The following PPP6R2 variants were observed in gnomAD, a reference collection of about 807,000 sequenced individuals.
PPP6R2 encodes the protein serine/threonine-protein phosphatase 6 regulatory subunit 2.
PPP6R2 carries 62 observed loss-of-function variants against 100.2 expected under a neutral mutation model. The observed-to-expected ratio is 0.62, with a 90% CI of 0.50 to 0.76. The LOEUF (loss-of-function observed/expected upper bound fraction) is 0.76, where lower values mean the gene tolerates loss of function less well. Among genes scored for constraint, PPP6R2 ranks in the 30% least tolerant of loss-of-function variants. The pLI, the probability that PPP6R2 is intolerant of heterozygous loss-of-function variation, is 0.00. For missense variants in PPP6R2, 1,142 were observed against 1,276.3 expected (o/e 0.89, Z 1.60); for synonymous variants, 525 against 514.7 (o/e 1.02, Z -0.27).
At position 50,444,879 on chromosome 22, in the gene PPP6R2, C is replaced by G. The variant is rs1490588539; in HGVS notation, c.*632C>G. On this transcript the variant is annotated 3_prime_UTR_variant, in exon 24 of 24. Coordinates refer to ENST00000612753, the MANE Select transcript of PPP6R2 (RefSeq NM_001242898.2). ...TGTCCCTGTGCCCAGCACAGGGTGC[C>G]TGGCAGGGGGAGACCACAGGTATGC... 6.5e-6 allele frequency: 1 copy of G among 153,076 alleles called. No homozygotes were observed. The highest frequency in any genetic ancestry group is 2.4e-5 in the African/African-American group (1 of 41,422). The allele number at this position is 153,076 out of a possible 1,614,324, so 9.5% of individuals were successfully genotyped here. A position where few individuals can be genotyped will look rare whatever the true frequency, so the allele number is the denominator to read the frequency against.
upstream of PPP6R2, among the ~76,000 whole-genome samples, chr22:50,339,853 G>A (rs1279988773): frequency 8.3e-6 from 1 of 120,176 alleles, no homozygotes; most frequent in South Asian, 3.1e-4. Context: ...TGGTGTGTGT[G>A]TGGTATGTAG....
In PPP6R2 at chr22:50,432,347, G is replaced by A. The variant is rs1038128882; in HGVS notation, c.1400+18G>A. ...CACACGCAGTAAGAGCCGCTCGGAC[G>A]TGGAGGGACCCAGCCTGGCCAGTCA... On this transcript the variant is annotated intron_variant, in intron 12 of 23. Transcript: ENST00000612753. 24 of 1,546,708 alleles carry A rather than the reference G, an allele frequency of 1.6e-5. No homozygotes were observed. The highest frequency in any genetic ancestry group is 9.6e-5 in the African/African-American group (7 of 72,940).
intron 10 of PPP6R2, among the ~76,000 whole-genome samples, chr22:50,428,871 T>C (rs1354948578): frequency 1.3e-5 from 2 of 152,170 alleles, no homozygotes; most frequent in Non-Finnish European, 1.5e-5. Flanking sequence ...ATAGCAGTGG[T>C]GAGAGTGGGC....
upstream of PPP6R2, among the ~76,000 whole-genome samples, chr22:50,338,705 AGGGTGTGTGGT>A (rs1205543823): frequency 8.0e-5 from 5 of 62,192 alleles, no homozygotes; most frequent in African/African-American, 3.2e-4. Context: ...TGGTGTGTGT[AGGGTGTGTGGT>A]GTGTGTGTGG....
chr22:50,400,345 C>T (rs1452544235), intron 3 of PPP6R2, among the ~76,000 whole-genome samples: 1 of 152,196 alleles, frequency 6.6e-6, no homozygotes, highest in African/African-American at 2.4e-5. Context: ...TCTGTTAAAA[C>T]AGCTTCCTGA....
chr22:50,385,561 G>T (rs2054048218), intron 2 of PPP6R2, among the ~76,000 whole-genome samples: 1 of 149,276 alleles, frequency 6.7e-6, no homozygotes, highest in African/African-American at 2.5e-5. Flanking sequence ...CATCCCCTAG[G>T]CTGGAGTGCA....
upstream of PPP6R2, among the ~76,000 whole-genome samples, chr22:50,340,525 G>T (rs541513258): frequency 3.5e-4 from 47 of 132,840 alleles, no homozygotes; most frequent in East Asian, 5.7e-3. Context: ...GGTGTGTGTG[G>T]GGGGTATGTG....
At position 50,370,538 on chromosome 22, in the gene PPP6R2, T is replaced by C. The variant is rs543917240; in HGVS notation, c.-147-1482T>C. On this transcript the variant is annotated intron_variant, in intron 1 of 23. Transcript: ENST00000612753. ...GCCTGACCTCGTGATCCACCCGCCT[T>C]GGCCTCCCAAAGTGCTGGGATTACA... is the stretch of plus-strand genomic sequence containing the variant. Among the ~76,000 whole-genome samples the C allele has an allele frequency of 2.8e-3, 429 of 151,084 alleles. 3 individuals are homozygous for C. The highest frequency in any genetic ancestry group is 0.015 in the Admixed American group (224 of 15,192).
intron 21 of PPP6R2, 96 bp from the exon 22 acceptor site, chr22:50,440,726 T>G: frequency 1.4e-6 from 2 of 1,388,626 alleles, no homozygotes; most frequent in Non-Finnish European, 2.0e-6. Flanking sequence ...AGGCTGCATG[T>G]GAGAGGGCCA....
rs1274687757 is a variant in PPP6R2 at position 50,444,450 on chromosome 22, C to T, written c.*203C>T. Reference sequence around the variant, plus strand: ...AGTGGGCCTCTCAGGTCACTCGTGCCCTGCTGGAGGACAGAGGGGCACCTC... The same window carrying T: ...AGTGGGCCTCTCAGGTCACTCGTGCTCTGCTGGAGGACAGAGGGGCACCTC... On this transcript the variant is annotated 3_prime_UTR_variant, in exon 24 of 24. Coordinates refer to ENST00000612753, the MANE Select transcript of PPP6R2 (RefSeq NM_001242898.2). The T allele has an allele frequency of 1.6e-6, 1 of 632,568 alleles. No homozygotes were observed. The highest frequency in any genetic ancestry group is 1.9e-5 in the African/African-American group (1 of 53,302). 39.2% of individuals were successfully genotyped at this position (632,568 alleles called of 1,614,324 possible).
At chr22:50,351,143 T>G (rs1422056966) in intron 1 of PPP6R2, among the ~76,000 whole-genome samples, 2 of 139,184 alleles carry the variant, frequency 1.4e-5, no homozygotes, top group Non-Finnish European at 3.1e-5. Flanking sequence ...CAGGTTCAAG[T>G]GATTCTCCTG....
At chr22:50,348,962 C>T (rs1240677336) in intron 1 of PPP6R2, among the ~76,000 whole-genome samples, 1 of 151,912 alleles carries the variant, frequency 6.6e-6, no homozygotes, top group South Asian at 2.1e-4. Flanking sequence ...GATGCTGAGG[C>T]GGGCGGATCA....
At position 50,444,270 on chromosome 22, in the gene PPP6R2, C is replaced by T; in HGVS notation, c.*23C>T. 1.2e-6 allele frequency: 2 copies of T among 1,611,308 alleles called. No individual in the cohort carries two copies. The highest frequency in any genetic ancestry group is 8.5e-7 in the Non-Finnish European group (1 of 1,179,254). On this transcript the variant is annotated 3_prime_UTR_variant, in exon 24 of 24. Transcript: ENST00000612753. ...TGATGCTGCTGCCGCCCGGCCACGG[C>T]CCACCCTGGTCAGGCTGCCTCCTTA...
chr22:50,437,373 A>G, intron 15 of PPP6R2, 133 bp from the exon 16 acceptor site: 1 of 691,382 alleles, frequency 1.4e-6, no homozygotes, highest in Non-Finnish European at 2.5e-6. Flanking sequence ...AACAGAGTTT[A>G]CTGCCCACTT....
chr22:50,337,562 CTGTG>C, the PPP6R2 span, among the ~76,000 whole-genome samples: 5 of 79,236 alleles, frequency 6.3e-5, no homozygotes, highest in Admixed American at 2.6e-4. Flanking sequence ...TGTGTGGGGT[CTGTG>C]TGTCTGTGTA....
intron 1 of PPP6R2, among the ~76,000 whole-genome samples, chr22:50,368,150 A>G (rs1247715858): frequency 6.6e-6 from 1 of 152,238 alleles, no homozygotes; most frequent in Non-Finnish European, 1.5e-5. Flanking sequence ...AGGGCGAAAC[A>G]TGAAAATGGA....
intron 2 of PPP6R2, among the ~76,000 whole-genome samples, chr22:50,387,276 G>A (rs557422486): frequency 6.6e-6 from 1 of 152,160 alleles, no homozygotes; most frequent in African/African-American, 2.4e-5. Context: ...TGTTGCCCAG[G>A]CTTGTCTTGA....
At chr22:50,408,465 C>A (rs139213520) in intron 4 of PPP6R2, among the ~76,000 whole-genome samples, 1 of 152,154 alleles carries the variant, frequency 6.6e-6, no homozygotes, top group Non-Finnish European at 1.5e-5. Flanking sequence ...GACTGCCTCA[C>A]CTCAGCTCCT....
At chr22:50,437,733 G>A in intron 16 of PPP6R2, 110 bp from the exon 17 acceptor site, 4 of 1,416,834 alleles carry the variant, frequency 2.8e-6, no homozygotes, top group Non-Finnish European at 3.9e-6. Flanking sequence ...GGTGTTCCCA[G>A]TTGTGTGAGG....
Sources: allele counts gnomAD v4.1 joint callset (sites outside exome capture counted in the v4.1 genomes callset), GRCh38; gene constraint gnomAD v4.1.1; transcripts MANE v1.5; gene names NCBI Gene and HGNC (gene_info 2026-07-23, HGNC 2026-07-21).